The following MAGI2 variants were observed in gnomAD, a reference collection of about 807,000 sequenced individuals.
MAGI2 encodes membrane associated guanylate kinase, WW and PDZ domain containing 2, also known as membrane-associated guanylate kinase, WW and PDZ domain-containing protein 2.
Under a neutral mutation model 133.3 loss-of-function variants are expected in MAGI2, and 35 were observed. The ratio of observed to expected loss-of-function variants is 0.26; its 90% CI spans 0.20 to 0.35. The LOEUF (loss-of-function observed/expected upper bound fraction) is 0.35, where lower values mean the gene tolerates loss of function less well. Ranked by LOEUF, MAGI2 falls within the 10% of genes least tolerant of loss-of-function variation. The probability of loss-of-function intolerance (pLI) is 1.00; values close to 1 mark genes in which losing one functional copy is unlikely to be tolerated. For synonymous variants in MAGI2, 729 were observed against 710.6 expected (o/e 1.03, Z -0.41); for missense variants, 1,636 against 1,863.4 (o/e 0.88, Z 2.25).
chr7:78,298,020 T>TCC lies in MAGI2; in HGVS notation c.1409-41440_1409-41439insGG, dbSNP rs1403476594. Reference sequence around the variant, plus strand: ...AGAATTGTCTGGGAAAAAAAAAAGATTAACATTAACAAGCAATGTCATGTT... The same window carrying TCC: ...AGAATTGTCTGGGAAAAAAAAAAGATCCTAACATTAACAAGCAATGTCATGTT... On this transcript the variant is annotated intron_variant, in intron 9 of 21. Coordinates refer to ENST00000354212, the MANE Select transcript of MAGI2 (RefSeq NM_012301.4). Among the ~76,000 whole-genome samples the TCC allele has an allele frequency of 2.0e-5, 3 of 151,232 alleles. No homozygotes were observed. In the East Asian group the frequency reaches 5.8e-4, roughly 29 times the overall value.
At chr7:78,722,807 G>T (rs1409727004) in intron 2 of MAGI2, among the ~76,000 whole-genome samples, 1 of 152,088 alleles carries the variant, frequency 6.6e-6, no homozygotes, top group East Asian at 1.9e-4. Context: ...TCTTTTGTGA[G>T]AATCCCTGGG....
chr7:78,823,909 T>TCACACACACACACA (rs151269215), intron 2 of MAGI2, among the ~76,000 whole-genome samples: 151 of 148,146 alleles, frequency 1.0e-3, no homozygotes, highest in Middle Eastern at 3.5e-3. Context: ...GGATTTCACA[T>TCACACACACACACA]CACACACACA....
At chr7:79,310,269 G>T (rs2129560571) in intron 1 of MAGI2, among the ~76,000 whole-genome samples, 1 of 141,708 alleles carries the variant, frequency 7.1e-6, no homozygotes, top group East Asian at 2.3e-4. Context: ...TATCTGCTAT[G>T]TACAGATGAA....
chr7:78,623,372 A>C (rs1247549992), intron 3 of MAGI2, among the ~76,000 whole-genome samples: 1 of 152,120 alleles, frequency 6.6e-6, no homozygotes, highest in East Asian at 1.9e-4. Flanking sequence ...AAATAAAGTC[A>C]CAAAGCCCAT....
At chr7:79,256,030 C>T (rs143738066) in intron 1 of MAGI2, among the ~76,000 whole-genome samples, 205 of 152,200 alleles carry the variant, frequency 1.3e-3, no homozygotes, top group African/African-American at 4.7e-3. Flanking sequence ...CATTTCTTAT[C>T]TAGAAGGCAC....
chr7:78,569,172 C>G (rs950105066), intron 3 of MAGI2, among the ~76,000 whole-genome samples: 3 of 151,902 alleles, frequency 2.0e-5, no homozygotes, highest in African/African-American at 7.3e-5. Flanking sequence ...GCTTTATTTT[C>G]TTAAGAGCCC....
chr7:79,293,838 G>A (rs1009925290), intron 1 of MAGI2, among the ~76,000 whole-genome samples: 1 of 152,148 alleles, frequency 6.6e-6, no homozygotes, highest in South Asian at 2.1e-4. Context: ...GCACAGTGTT[G>A]GTTGCTGTGC....
At chr7:78,773,507 G>A (rs1467952128) in intron 2 of MAGI2, among the ~76,000 whole-genome samples, 2 of 152,158 alleles carry the variant, frequency 1.3e-5, no homozygotes, top group Non-Finnish European at 2.9e-5. Context: ...TTTTGTGCTA[G>A]GCACCATACT....
At chr7:78,288,607 C>G (rs1182367416) in intron 9 of MAGI2, among the ~76,000 whole-genome samples, 1 of 152,168 alleles carries the variant, frequency 6.6e-6, no homozygotes, top group African/African-American at 2.4e-5. Flanking sequence ...TGTAGTGGTT[C>G]TCCCAGCATG....
chr7:78,307,088 C>A (rs1798300359), intron 9 of MAGI2, among the ~76,000 whole-genome samples: 1 of 152,048 alleles, frequency 6.6e-6, no homozygotes, highest in Admixed American at 6.6e-5. Flanking sequence ...GAATATTAAT[C>A]CCATACTAAA....
intron 2 of MAGI2, among the ~76,000 whole-genome samples, chr7:78,905,496 T>G (rs1406365357): frequency 1.3e-5 from 2 of 152,220 alleles, no homozygotes; most frequent in East Asian, 3.8e-4. Context: ...TGTTCAGTAT[T>G]TAGTGCATTG....
intron 2 of MAGI2, among the ~76,000 whole-genome samples, chr7:78,796,155 G>A (rs1398447645): frequency 6.6e-6 from 1 of 152,090 alleles, no homozygotes; most frequent in Non-Finnish European, 1.5e-5. Context: ...AGGCTAAAAA[G>A]CTTTTACACA....
At chr7:78,848,805 C>T (rs996588274) in intron 2 of MAGI2, among the ~76,000 whole-genome samples, 1 of 152,000 alleles carries the variant, frequency 6.6e-6, no homozygotes, top group African/African-American at 2.4e-5. Flanking sequence ...TTCCTCACCA[C>T]CTATGTAATG....
intron 14 of MAGI2, among the ~76,000 whole-genome samples, chr7:78,176,908 G>GACACAT (rs1554487220): frequency 7.7e-6 from 1 of 130,432 alleles, no homozygotes; most frequent in Non-Finnish European, 1.6e-5. Flanking sequence ...ACCATATATA[G>GACACAT]ACACACACAC....
intron 6 of MAGI2, among the ~76,000 whole-genome samples, chr7:78,418,320 G>T (rs963969086): frequency 6.6e-6 from 1 of 152,080 alleles, no homozygotes; most frequent in Non-Finnish European, 1.5e-5. Flanking sequence ...AATAGATAAG[G>T]CTGTGTTAAC....
intron 4 of MAGI2, among the ~76,000 whole-genome samples, chr7:78,502,853 A>C (rs1794743079): frequency 6.6e-6 from 1 of 152,202 alleles, no homozygotes. Context: ...AGGAACGCAC[A>C]AGGAAGAAAT....
At chr7:78,373,461 G>C (rs573128845) in intron 6 of MAGI2, among the ~76,000 whole-genome samples, 1 of 152,256 alleles carries the variant, frequency 6.6e-6, no homozygotes, top group South Asian at 2.1e-4. Context: ...GGGAGTTATG[G>C]GGAGCCACTT....
At chr7:78,795,634 C>T (rs1000930777) in intron 2 of MAGI2, among the ~76,000 whole-genome samples, 2 of 68,496 alleles carry the variant, frequency 2.9e-5, no homozygotes, top group Admixed American at 3.3e-4. Flanking sequence ...ACATTCTTCA[C>T]AGAAATATAA....
intron 1 of MAGI2, among the ~76,000 whole-genome samples, chr7:79,346,380 A>G (rs1841314341): frequency 6.6e-6 from 1 of 152,018 alleles, no homozygotes; most frequent in African/African-American, 2.4e-5. Context: ...TTACGATGAA[A>G]GTACTTTACC....
Sources: allele counts gnomAD v4.1 joint callset (sites outside exome capture counted in the v4.1 genomes callset), GRCh38; gene constraint gnomAD v4.1.1; transcripts MANE v1.5; gene names NCBI Gene and HGNC (gene_info 2026-07-23, HGNC 2026-07-21).